Variants in MID1 observed in about 807,000 individuals in gnomAD.
MID1 encodes midline 1.
A neutral mutation model predicts 40.4 loss-of-function variants in MID1; 7 were observed. That is an observed-to-expected ratio of 0.17 (90% CI 0.10 to 0.33). The LOEUF (loss-of-function observed/expected upper bound fraction) is 0.33. MID1 is among the 10% of genes least tolerant of loss of function. MID1 has a pLI of 1.00. For missense variants in MID1, 367 were observed against 558.5 expected, an observed-to-expected ratio of 0.66 and a Z score of 3.46; for synonymous variants, 229 against 221.2, an observed-to-expected ratio of 1.04 and a Z score of -0.31.
chrX:10,696,855 C>T (rs1489668096), intron 1 of MID1, among the ~76,000 whole-genome samples: 1 of 111,956 alleles, frequency 8.9e-6, no homozygotes, highest in Non-Finnish European at 1.9e-5. Flanking sequence ...ATAACATTAA[C>T]TATAAGTGGT....
chrX:10,551,749 G>A (rs529568634), intron 2 of MID1, among the ~76,000 whole-genome samples: 2 of 111,465 alleles, frequency 1.8e-5, no homozygotes, highest in African/African-American at 6.5e-5. Context: ...ACACTATTGG[G>A]GAGGGAAGAC....
intron 2 of MID1, among the ~76,000 whole-genome samples, chrX:10,539,288 A>G (rs182823780): frequency 2.0e-4 from 22 of 112,088 alleles, no homozygotes; most frequent in Middle Eastern, 4.6e-3. Context: ...GAATGAAATC[A>G]TTAGATCGTG....
At chrX:10,637,617 T>A (rs1234335103) in intron 1 of MID1, among the ~76,000 whole-genome samples, 1 of 104,286 alleles carries the variant, frequency 9.6e-6, no homozygotes, top group Non-Finnish European at 2.0e-5. Flanking sequence ...AGAGCAAGAC[T>A]CCATCTAAAA....
chrX:10,598,114 T>C (rs1175674967), intron 1 of MID1, among the ~76,000 whole-genome samples: 1 of 111,812 alleles, frequency 8.9e-6, no homozygotes, highest in East Asian at 2.8e-4. Flanking sequence ...AAACCTTCAG[T>C]TGCCCTAAAT....
At chrX:10,790,299 C>A (rs1216101791) in intron 1 of MID1, among the ~76,000 whole-genome samples, 2 of 109,593 alleles carry the variant, frequency 1.8e-5, no homozygotes, top group Non-Finnish European at 3.8e-5. Context: ...TCCCACCACG[C>A]CCAGGTAATT....
At chrX:10,727,936 G>A (rs750158404) in intron 1 of MID1, among the ~76,000 whole-genome samples, 1 of 111,986 alleles carries the variant, frequency 8.9e-6, no homozygotes, top group South Asian at 3.7e-4. Context: ...GAAAATAAGT[G>A]ATCTGCCACC....
intron 2 of MID1, among the ~76,000 whole-genome samples, chrX:10,524,614 C>T (rs1005168458): frequency 2.7e-5 from 3 of 112,169 alleles, no homozygotes; most frequent in Admixed American, 9.5e-5. Flanking sequence ...TAAGCTTCTA[C>T]AATATGCCAG....
rs2043764457 is a variant in MID1, at chrX:10,771,083, T to TGA, written c.-187+62469_-187+62470dup. 3.0e-5 allele frequency among the ~76,000 whole-genome samples: 3 copies of TGA among 101,664 alleles called. No individual in the cohort carries two copies. The South Asian group carries it at 1.4e-3, about 46-fold the overall frequency. 88.3% of individuals were successfully genotyped at this position (101,664 alleles called of 115,157 possible). On this transcript the variant is annotated intron_variant, in intron 1 of 10. Coordinates refer to the MID1 transcript ENST00000380785. ...ATCGAGCCACTGCACTCCAGCTGGGTGAGAGAGAGACTCTGTCTCAAGAAA... is the reference window on the plus strand; with the variant it reads ...ATCGAGCCACTGCACTCCAGCTGGGTGAGAGAGAGAGACTCTGTCTCAAGAAA...
intron 9 of MID1, among the ~76,000 whole-genome samples, chrX:10,454,436 C>T (rs1290208943): frequency 8.9e-6 from 1 of 111,917 alleles, no homozygotes; most frequent in East Asian, 2.8e-4. Flanking sequence ...TCTCTCTTAA[C>T]TACTCGATTC....
At chrX:10,511,526 G>A (rs1225098334) in intron 3 of MID1, among the ~76,000 whole-genome samples, 1 of 111,172 alleles carries the variant, frequency 9.0e-6, no homozygotes, top group African/African-American at 3.3e-5. Flanking sequence ...TAGGACTACA[G>A]GCAAGAACCT....
chrX:10,676,959 T>C (rs1017530139), intron 1 of MID1, among the ~76,000 whole-genome samples: 1 of 111,694 alleles, frequency 9.0e-6, no homozygotes, highest in African/African-American at 3.3e-5. Flanking sequence ...ATCTGAGTCT[T>C]ATGACCCTTT....
In MID1 at chrX:10,597,216, T is replaced by C. The variant is rs187408434; in HGVS notation, c.-57+23074A>G. On this transcript the variant is annotated intron_variant, in intron 1 of 9. Coordinates refer to ENST00000317552, the MANE Select transcript of MID1 (RefSeq NM_000381.4). ...CCGCAAAGAAGCAACATTCCACAGG[T>C]TGATCTTTCTAGTCATTTTCTGTAC... Among the ~76,000 whole-genome samples, 5 of 111,838 alleles carry C rather than the reference T, an allele frequency of 4.5e-5. No individual in the cohort carries two copies. In the Admixed American group the frequency reaches 4.8e-4, roughly 11 times the overall value.
intron 1 of MID1, among the ~76,000 whole-genome samples, chrX:10,669,463 T>C (rs1258927442): frequency 9.0e-6 from 1 of 111,681 alleles, no homozygotes; most frequent in African/African-American, 3.3e-5. Context: ...TATGTTATTT[T>C]CTATTAAAAC....
At chrX:10,737,970 C>G in intron 1 of MID1, among the ~76,000 whole-genome samples, 1 of 110,881 alleles carries the variant, frequency 9.0e-6, no homozygotes, top group African/African-American at 3.3e-5. Flanking sequence ...CTGTGTGGAC[C>G]CTGCTAGCAG....
chrX:10,775,165 A>C (rs756279185), intron 1 of MID1, among the ~76,000 whole-genome samples: 66 of 108,311 alleles, frequency 6.1e-4, no homozygotes, highest in African/African-American at 2.2e-3. Flanking sequence ...GGGGAGAGGG[A>C]GCAAGAATGT....
intron 1 of MID1, chrX:10,589,613 T>C (rs1935231517): frequency 8.9e-6 from 1 of 111,805 alleles, no homozygotes; most frequent in African/African-American, 3.3e-5. Context: ...GGACTCCAAG[T>C]GCCAGTTCCT....
chrX:10,507,761 C>A (rs960337708), intron 3 of MID1, among the ~76,000 whole-genome samples: 1 of 112,323 alleles, frequency 8.9e-6, no homozygotes, highest in Non-Finnish European at 1.9e-5. Flanking sequence ...TGTTTCGCAC[C>A]AAAAACAAAG....
intron 4 of MID1, among the ~76,000 whole-genome samples, chrX:10,495,143 T>A (rs535695271): frequency 8.9e-6 from 1 of 111,991 alleles, no homozygotes; most frequent in Non-Finnish European, 1.9e-5. Context: ...CCTGTATACA[T>A]TTCCTCAAAA....
intron 1 of MID1, among the ~76,000 whole-genome samples, chrX:10,781,460 C>T (rs370217907): frequency 9.0e-6 from 1 of 111,675 alleles, no homozygotes; most frequent in African/African-American, 3.3e-5. Flanking sequence ...ATATTGAACA[C>T]GAAAGAAAAA....
Sources: gnomAD v4.1 joint callset for allele counts (sites outside exome capture counted in the v4.1 genomes callset) on GRCh38, gnomAD v4.1.1 for gene constraint, MANE v1.5 for transcripts, NCBI Gene and HGNC (gene_info 2026-07-23, HGNC 2026-07-21) for gene names.